Variants in LIPC observed in about 807,000 individuals in gnomAD.
LIPC encodes lipase C, hepatic type.
A neutral mutation model predicts 50.7 loss-of-function variants in LIPC; 44 were observed. That is an observed-to-expected ratio of 0.87 (90% confidence interval 0.68 to 1.11). LIPC has a LOEUF of 1.11. Among genes scored for constraint, LIPC ranks in the 50% most tolerant of loss-of-function variants. The probability of loss-of-function intolerance (pLI) is 0.00; values close to 1 mark genes in which losing one functional copy is unlikely to be tolerated. For missense variants in LIPC, 697 were observed against 648.2 expected, an observed-to-expected ratio of 1.08 and a Z score of -0.82; for synonymous variants, 271 against 256.4, an observed-to-expected ratio of 1.06 and a Z score of -0.54.
chr15:58,551,536 C>T (rs1446388235), intron 6 of LIPC, among the ~76,000 whole-genome samples: 2 of 152,282 alleles, frequency 1.3e-5, no homozygotes, highest in East Asian at 1.9e-4. Context: ...TCCATCGCCG[C>T]GGAGAGTTCT....
chr15:58,451,507 C>A (rs779227941), intron 1 of LIPC, among the ~76,000 whole-genome samples: 13 of 152,124 alleles, frequency 8.5e-5, no homozygotes, highest in Admixed American at 2.0e-4. Flanking sequence ...TCCAGAGAGA[C>A]CACACTTCAT....
chr15:58,559,354 C>T (rs543605050), intron 6 of LIPC, among the ~76,000 whole-genome samples: 8 of 152,168 alleles, frequency 5.3e-5, no homozygotes, highest in Non-Finnish European at 1.2e-4. Flanking sequence ...TTATTAAGCA[C>T]CTACTGTGTG....
intron 1 of LIPC, among the ~76,000 whole-genome samples, chr15:58,490,086 G>A (rs1400576211): frequency 3.3e-5 from 5 of 152,206 alleles, no homozygotes; most frequent in African/African-American, 1.2e-4. Flanking sequence ...TCTCAAACCA[G>A]TCTGAGACAG....
At chr15:58,446,618 G>A (rs1336930149) in intron 1 of LIPC, among the ~76,000 whole-genome samples, 4 of 151,990 alleles carry the variant, frequency 2.6e-5, no homozygotes, top group South Asian at 2.1e-4. Flanking sequence ...GCTGCCCACC[G>A]TCCCATGGCC....
intron 1 of LIPC, among the ~76,000 whole-genome samples, chr15:58,488,178 G>T (rs2140796219): frequency 6.6e-6 from 1 of 152,368 alleles, no homozygotes; most frequent in Middle Eastern, 3.4e-3. Context: ...GGCTGAGGCA[G>T]GAGGATGGCT....
chr15:58,516,636 T>A (rs1595913125), intron 1 of LIPC, among the ~76,000 whole-genome samples: 1 of 152,324 alleles, frequency 6.6e-6, no homozygotes, highest in East Asian at 1.9e-4. Flanking sequence ...GTATTTCATA[T>A]CTCAGACATT....
At chr15:58,551,346 A>G (rs947115319) in intron 6 of LIPC, among the ~76,000 whole-genome samples, 2 of 152,198 alleles carry the variant, frequency 1.3e-5, no homozygotes, top group African/African-American at 4.8e-5. Context: ...GGATACTGCT[A>G]TCTATATAAT....
chr15:58,534,602 A>G (rs1893055841), intron 1 of LIPC, among the ~76,000 whole-genome samples: 1 of 152,142 alleles, frequency 6.6e-6, no homozygotes. Context: ...TTGCTGCTAT[A>G]TATTTGTAAC....
At chr15:58,537,261 C>G (rs572577408) in intron 1 of LIPC, among the ~76,000 whole-genome samples, 1 of 152,236 alleles carries the variant, frequency 6.6e-6, no homozygotes, top group Non-Finnish European at 1.5e-5. Flanking sequence ...TGCAGCACCA[C>G]AGACAGGACA....
At chr15:58,503,736 C>A (rs950203133) in intron 1 of LIPC, among the ~76,000 whole-genome samples, 1 of 152,192 alleles carries the variant, frequency 6.6e-6, no homozygotes, top group East Asian at 1.9e-4. Context: ...AGGCCCTGCA[C>A]CTGCCAGAGA....
intron 1 of LIPC, among the ~76,000 whole-genome samples, chr15:58,462,302 T>C (rs1222968834): frequency 6.6e-6 from 1 of 152,162 alleles, no homozygotes; most frequent in Non-Finnish European, 1.5e-5. Context: ...TGAATTGACA[T>C]GATTGATTGA....
chr15:58,552,171 G>A (rs1893785436), intron 6 of LIPC, among the ~76,000 whole-genome samples: 1 of 152,184 alleles, frequency 6.6e-6, no homozygotes, highest in Non-Finnish European at 1.5e-5. Context: ...GGGTGGAGAG[G>A]AGGGAAGGGG....
intron 1 of LIPC, among the ~76,000 whole-genome samples, chr15:58,525,056 T>C (rs940275381): frequency 6.6e-6 from 1 of 152,198 alleles, no homozygotes; most frequent in Non-Finnish European, 1.5e-5. Flanking sequence ...TTCCTGTTAT[T>C]TCATTTAAAA....
chr15:58,488,306 A>G (rs1891447213), intron 1 of LIPC, among the ~76,000 whole-genome samples: 1 of 151,902 alleles, frequency 6.6e-6, no homozygotes, highest in Non-Finnish European at 1.5e-5. Flanking sequence ...AATTCCTGAG[A>G]CTCCTTCCAA....
intron 1 of LIPC, among the ~76,000 whole-genome samples, chr15:58,499,058 CG>C (rs1172690991): frequency 2.0e-5 from 3 of 152,156 alleles, no homozygotes; most frequent in Admixed American, 2.0e-4. Flanking sequence ...CAGGATTACT[CG>C]GCACAAGAGA....
chr15:58,449,152 T>C (rs1893811865), intron 1 of LIPC, among the ~76,000 whole-genome samples: 1 of 152,196 alleles, frequency 6.6e-6, no homozygotes, highest in Admixed American at 6.5e-5. Flanking sequence ...CCTTCCTAGA[T>C]GGCTACTCAG....
intron 5 of LIPC, 27 bp downstream of exon 5, chr15:58,546,002 C>CT: frequency 2.0e-6 from 3 of 1,528,570 alleles, no homozygotes; most frequent in Non-Finnish European, 2.7e-6. Context: ...GGGCCGGGAG[C>CT]ACCGGCCTAC....
intron 1 of LIPC, chr15:58,522,898 C>G (rs1177538410): frequency 6.6e-6 from 1 of 152,274 alleles, no homozygotes; most frequent in Non-Finnish European, 1.5e-5. Flanking sequence ...ACTGTGAGCT[C>G]CCAGAGATGC....
At chr15:58,452,939 G>A (rs1893966860) in intron 1 of LIPC, among the ~76,000 whole-genome samples, 2 of 152,246 alleles carry the variant, frequency 1.3e-5, no homozygotes, top group African/African-American at 4.8e-5. Flanking sequence ...AGATGTGGAT[G>A]TGGTTTTCTG....
Sources: gnomAD v4.1 joint callset for allele counts (sites outside exome capture counted in the v4.1 genomes callset) on GRCh38, gnomAD v4.1.1 for gene constraint, MANE v1.5 for transcripts, NCBI Gene and HGNC (gene_info 2026-07-23, HGNC 2026-07-21) for gene names.